Variants in AGBL1 observed in about 807,000 individuals in gnomAD.
The protein encoded by AGBL1 is AGBL carboxypeptidase 1.
In AGBL1, 130 loss-of-function variants were observed where a neutral mutation model predicts 118.9. The ratio of observed to expected loss-of-function variants is 1.09; its 90% CI spans 0.95 to 1.26. The LOEUF (loss-of-function observed/expected upper bound fraction) is 1.26. Among genes scored for constraint, AGBL1 ranks in the 50% most tolerant of loss-of-function variants. AGBL1 has a pLI of 0.00. For missense variants in AGBL1, 1,584 were observed against 1,298.1 expected, an observed-to-expected ratio of 1.22 and a Z score of -3.38; for synonymous variants, 555 against 478.9, an observed-to-expected ratio of 1.16 and a Z score of -2.08.
At chr15:86,895,071 C>G (rs1303101492) in intron 22 of AGBL1, among the ~76,000 whole-genome samples, 1 of 151,212 alleles carries the variant, frequency 6.6e-6, no homozygotes, top group East Asian at 1.9e-4. Context: ...TATCTTCCCT[C>G]CTTCCCTTTC....
At chr15:86,636,712 T>C (rs1456860471) in intron 21 of AGBL1, among the ~76,000 whole-genome samples, 10 of 17,368 alleles carry the variant, frequency 5.8e-4, no homozygotes, top group Non-Finnish European at 8.5e-4. Flanking sequence ...CATATATATA[T>C]ATATATATAT....
intron 22 of AGBL1, among the ~76,000 whole-genome samples, chr15:86,776,928 G>A (rs976772067): frequency 1.3e-5 from 2 of 151,664 alleles, no homozygotes; most frequent in Admixed American, 1.3e-4. Flanking sequence ...TCTTCATTAC[G>A]TATTATGTTT....
chr15:86,370,874 A>G (rs1163673013), intron 17 of AGBL1, among the ~76,000 whole-genome samples: 2 of 152,176 alleles, frequency 1.3e-5, no homozygotes, highest in Non-Finnish European at 2.9e-5. Context: ...GTGTTCACAG[A>G]CTTGAGTGCC....
chr15:86,476,070 C>T (rs1156407298), intron 18 of AGBL1, among the ~76,000 whole-genome samples: 1 of 152,108 alleles, frequency 6.6e-6, no homozygotes, highest in Non-Finnish European at 1.5e-5. Context: ...TACAAGAGCT[C>T]CTGAAGGAAG....
chr15:86,620,421 C>T (rs901403909), intron 21 of AGBL1, among the ~76,000 whole-genome samples: 4 of 152,150 alleles, frequency 2.6e-5, no homozygotes, highest in Admixed American at 6.5e-5. Context: ...TGTGAATGAT[C>T]CTTTGTGGAT....
chr15:86,852,819 A>T (rs577943881), intron 22 of AGBL1, among the ~76,000 whole-genome samples: 3 of 152,274 alleles, frequency 2.0e-5, no homozygotes, highest in Non-Finnish European at 4.4e-5. Context: ...GCCTATTGCA[A>T]AGGTTTGAAG....
At chr15:86,517,349 G>A (rs2083134145) in intron 18 of AGBL1, among the ~76,000 whole-genome samples, 1 of 152,232 alleles carries the variant, frequency 6.6e-6, no homozygotes, top group South Asian at 2.1e-4. Context: ...ACTCAGGGTT[G>A]GGACTAGAGT....
rs2080405550 is a variant in AGBL1, at chr15:86,915,326, A to T, written c.*8032A>T. On this transcript the variant is annotated 3_prime_UTR_variant, in exon 23 of 23. Transcript: ENST00000614907. ...TCAGTGACCTCCCATGGTCTTAAGG[A>T]TAAAATGCAGACAGGACCTAGTGCT... The T allele has an allele frequency of 6.6e-6, 1 of 152,202 alleles. No homozygotes were observed. Among genetic ancestry groups the T allele is most frequent in the Admixed American group, 6.5e-5 (1 of 15,290 alleles). 9.4% of individuals were successfully genotyped at this position (152,202 alleles called of 1,614,324 possible). A position where few individuals can be genotyped will look rare whatever the true frequency, so the allele number is the denominator to read the frequency against.
intron 24 of AGBL1, among the ~76,000 whole-genome samples, chr15:87,018,661 AG>A (rs1755084946): frequency 6.6e-6 from 1 of 152,080 alleles, no homozygotes; most frequent in African/African-American, 2.4e-5. Context: ...TTTTTACAAA[AG>A]CACACTGAAG....
chr15:86,319,888 C>T (rs1489618383), intron 17 of AGBL1, among the ~76,000 whole-genome samples: 1 of 150,804 alleles, frequency 6.6e-6, no homozygotes, highest in Non-Finnish European at 1.5e-5. Context: ...TCCCGAGTAG[C>T]TGGGATTACA....
intron 21 of AGBL1, among the ~76,000 whole-genome samples, chr15:86,665,136 G>A (rs2085620888): frequency 6.6e-6 from 1 of 152,074 alleles, no homozygotes; most frequent in African/African-American, 2.4e-5. Context: ...CTATGACGTT[G>A]CCAATTTGAA....
intron 4 of AGBL1, among the ~76,000 whole-genome samples, chr15:86,157,576 C>T (rs904111453): frequency 2.6e-5 from 4 of 152,150 alleles, no homozygotes; most frequent in African/African-American, 9.7e-5. Context: ...GTTGATTGTA[C>T]CAACTCACTG....
At chr15:86,794,155 C>T (rs1300798130) in intron 22 of AGBL1, among the ~76,000 whole-genome samples, 1 of 152,108 alleles carries the variant, frequency 6.6e-6, no homozygotes, top group Non-Finnish European at 1.5e-5. Flanking sequence ...CAGAAATATT[C>T]ATAACAGTAC....
intron 22 of AGBL1, among the ~76,000 whole-genome samples, chr15:86,860,219 C>T (rs1377948311): frequency 3.9e-5 from 6 of 152,000 alleles, no homozygotes; most frequent in Non-Finnish European, 2.9e-5. Context: ...TCCCCTGTAC[C>T]ATGTTTTAGG....
chr15:86,586,956 T>A (rs1043737528), intron 21 of AGBL1, among the ~76,000 whole-genome samples: 11 of 152,152 alleles, frequency 7.2e-5, no homozygotes, highest in African/African-American at 2.7e-4. Context: ...TAATGAGCTT[T>A]AAGGGTTTGT....
intron 17 of AGBL1, among the ~76,000 whole-genome samples, chr15:86,342,443 G>C (rs142026856): frequency 9.2e-4 from 140 of 152,314 alleles, no homozygotes; most frequent in Non-Finnish European, 1.7e-3. Context: ...AGGAGGTAAA[G>C]AGAATCTGGC....
chr15:86,880,006 G>A (rs2079867984), intron 22 of AGBL1, among the ~76,000 whole-genome samples: 1 of 152,192 alleles, frequency 6.6e-6, no homozygotes, highest in African/African-American at 2.4e-5. Flanking sequence ...GAGAAGCAAT[G>A]TGTTAACCTT....
At chr15:86,354,741 T>C (rs930950250) in intron 17 of AGBL1, among the ~76,000 whole-genome samples, 5 of 152,150 alleles carry the variant, frequency 3.3e-5, no homozygotes, top group African/African-American at 1.2e-4. Context: ...TTACTTTACA[T>C]AGCAAAGGAA....
At chr15:86,418,845 T>A (rs560181114) in intron 18 of AGBL1, among the ~76,000 whole-genome samples, 86 of 152,224 alleles carry the variant, frequency 5.6e-4, no homozygotes, top group African/African-American at 2.0e-3. Context: ...TCTGGGGGTG[T>A]GAAACTGCAA....
Sources: gnomAD v4.1 joint callset for allele counts (sites outside exome capture counted in the v4.1 genomes callset) on GRCh38, gnomAD v4.1.1 for gene constraint, MANE v1.5 for transcripts, NCBI Gene and HGNC (gene_info 2026-07-23, HGNC 2026-07-21) for gene names.